The following TNRC18 variants were observed in gnomAD, a reference collection of about 807,000 sequenced individuals.
TNRC18 encodes trinucleotide repeat-containing gene 18 protein.
Under a neutral mutation model 226.7 loss-of-function variants are expected in TNRC18, and 69 were observed. That is an observed-to-expected ratio of 0.30 (90% CI 0.25 to 0.37). The LOEUF (loss-of-function observed/expected upper bound fraction) is 0.37, where lower values mean the gene tolerates loss of function less well. Among genes scored for constraint, TNRC18 ranks in the 10% least tolerant of loss-of-function variants. The pLI is 1.00. For missense variants in TNRC18, 4,754 were observed against 4,256.6 expected (o/e 1.12, Z -3.25); for synonymous variants, 2,449 against 1,927.6 (o/e 1.27, Z -7.09).
intron 19 of TNRC18, among the ~76,000 whole-genome samples, chr7:5,329,087 G>C (rs4724561): frequency 6.6e-6 from 1 of 151,748 alleles, no homozygotes; most frequent in Non-Finnish European, 1.5e-5. Flanking sequence ...CCGATCACCT[G>C]AGGTCAGGAG....
At chr7:5,416,142 C>T (rs977536812) in intron 2 of TNRC18, among the ~76,000 whole-genome samples, 1 of 136,706 alleles carries the variant, frequency 7.3e-6, no homozygotes, top group Admixed American at 7.7e-5. Flanking sequence ...CAGCCAAGCG[C>T]GGTGGCTCAA....
chr7:5,371,146 C>T lies in TNRC18; in HGVS notation c.3448G>A (p.Glu1150Lys). 1 of 1,609,490 alleles carries T rather than the reference C, an allele frequency of 6.2e-7. No individual in the cohort carries two copies. ...ACCTCCCGCTCAGCCAGCGGTTCTT[C>T]CTCCGGGCCCTCCCGCAGCGGCTCT... is the stretch of plus-strand genomic sequence containing the variant. ...ITEPLREGPE[E>K]EPLAEREVKA... Residue 1150 changes from glutamate (E) to lysine (K), a missense_variant, in exon 11 of 30, where the codon GAA (glutamate) becomes AAA (lysine). Coordinates refer to ENST00000430969, the MANE Select transcript of TNRC18 (RefSeq NM_001080495.3).
intron 17 of TNRC18, among the ~76,000 whole-genome samples, chr7:5,346,690 C>A (rs61212333): frequency 6.6e-6 from 1 of 151,970 alleles, no homozygotes; most frequent in African/African-American, 2.4e-5. Context: ...CTCCTAGCAA[C>A]TCCCCCATTC....
intron 4 of TNRC18, 76 bp from the exon 5 acceptor site, chr7:5,389,412 C>G (rs1400672917): frequency 1.3e-5 from 16 of 1,212,580 alleles, no homozygotes; most frequent in African/African-American, 1.6e-5. Context: ...AGGCGGACCC[C>G]TGAGAGGGGG....
At position 5,344,404 on chromosome 7, in the gene TNRC18, C is replaced by T. The variant is rs1466285346; in HGVS notation, c.5719+1158G>A. Among the ~76,000 whole-genome samples the T allele has an allele frequency of 1.3e-5, 2 of 152,224 alleles. 1 individual carries two copies. The highest frequency in any genetic ancestry group is 4.1e-4 in the South Asian group (2 of 4,820). Reference sequence around the variant, plus strand: ...TAAGAATAGGTAGCCTTGTAGGGGGCCCTGGTGCCTCTTTCCAGGACTGCC... The same window carrying T: ...TAAGAATAGGTAGCCTTGTAGGGGGTCCTGGTGCCTCTTTCCAGGACTGCC... On this transcript the variant is annotated intron_variant, in intron 18 of 29. Transcript: ENST00000430969.
intron 11 of TNRC18, among the ~76,000 whole-genome samples, chr7:5,364,469 A>G (rs1394931741): frequency 7.3e-5 from 2 of 27,470 alleles, no homozygotes; most frequent in East Asian, 1.2e-3. Flanking sequence ...GAAAACACAC[A>G]CACACACACA....
chr7:5,394,417 C>G lies in TNRC18; in HGVS notation c.343+23G>C. Reference sequence around the variant, plus strand: ...GGACGTCAGCCCAGCAGCCCTCAGCCCCGACCCCGGCATGTTCCTTACCTT... The same window carrying G: ...GGACGTCAGCCCAGCAGCCCTCAGCGCCGACCCCGGCATGTTCCTTACCTT... On this transcript the variant is annotated intron_variant, in intron 3 of 29. Transcript: ENST00000430969. The surrounding 1 kb of genome is among the most constrained non-coding windows in gnomAD (Gnocchi z 4.5). The G allele has an allele frequency of 6.6e-7, 1 of 1,513,442 alleles. No homozygotes were observed. The highest frequency in any genetic ancestry group is 8.8e-7 in the Non-Finnish European group (1 of 1,131,170). 93.8% of individuals were successfully genotyped at this position (1,513,442 alleles called of 1,614,324 possible). A position where few individuals can be genotyped will look rare whatever the true frequency, so the allele number is the denominator to read the frequency against.
At chr7:5,422,072 T>A (rs1057011599) in intron 1 of TNRC18, among the ~76,000 whole-genome samples, 5 of 152,122 alleles carry the variant, frequency 3.3e-5, no homozygotes, top group Non-Finnish European at 7.4e-5. Flanking sequence ...GCGGGTTTAT[T>A]ATTTTTAAAG....
At position 5,388,969 on chromosome 7, in the gene TNRC18, G is replaced by A. The variant is rs1413156381; in HGVS notation, c.855C>T (p.Asn285=). Residue 285 remains asparagine (N), a synonymous_variant, in exon 5 of 30, where the codon AAC becomes AAT. Coordinates refer to ENST00000430969, the MANE Select transcript of TNRC18 (RefSeq NM_001080495.3). ...ALQPSVLTMC[N]GGAGDVGLPA... is the part of the protein sequence containing the mutation. ...GCAGCCCCACGTCCCCGGCGCCGCC[G>A]TTGCACATGGTCAGTACCGACGGCT... 8.6e-6 allele frequency: 12 copies of A among 1,390,190 alleles called. No homozygotes were observed. Among genetic ancestry groups the A allele is most frequent in the Non-Finnish European group, 1.1e-5 (12 of 1,066,722 alleles). 86.1% of individuals were successfully genotyped at this position (1,390,190 alleles called of 1,614,324 possible). A position where few individuals can be genotyped will look rare whatever the true frequency, so the allele number is the denominator to read the frequency against.
chr7:5,360,000 C>T (rs79443337), intron 14 of TNRC18, among the ~76,000 whole-genome samples: 99 of 151,404 alleles, frequency 6.5e-4, no homozygotes, highest in African/African-American at 8.5e-4. Context: ...AAAAAAAAAA[C>T]GAAGAAGGAG....
chr7:5,343,640 C>T (rs545616071), intron 18 of TNRC18, among the ~76,000 whole-genome samples: 20 of 152,212 alleles, frequency 1.3e-4, no homozygotes, highest in Admixed American at 5.9e-4. Flanking sequence ...TTGCCCAGGC[C>T]GGTCTTGAAC....
intron 17 of TNRC18, among the ~76,000 whole-genome samples, chr7:5,347,641 G>C (rs917672511): frequency 6.6e-6 from 1 of 152,072 alleles, no homozygotes; most frequent in Non-Finnish European, 1.5e-5. Flanking sequence ...GTCCAGCCTG[G>C]GTGACAGAGC....
Position 5,374,275 on chromosome 7 carries a change from G to C in TNRC18, c.3009C>G (p.Ala1003=). 1.3e-6 allele frequency: 2 copies of C among 1,487,920 alleles called. No individual in the cohort carries two copies. Among genetic ancestry groups the C allele is most frequent in the Non-Finnish European group, 1.8e-6 (2 of 1,119,858 alleles). The allele number at this position is 1,487,920 out of a possible 1,614,324, so 92.2% of individuals were successfully genotyped here. A position where few individuals can be genotyped will look rare whatever the true frequency, so the allele number is the denominator to read the frequency against. Reference sequence around the variant, plus strand: ...GCTTCTGGATGACCTTGGCCTTCAGGGCAGCCACAGGGGATGCGCGGGGTG... The same window carrying C: ...GCTTCTGGATGACCTTGGCCTTCAGCGCAGCCACAGGGGATGCGCGGGGTG... The part of the protein sequence containing the change: ...PPSPRASPVA[A]LKAKVIQKLE... Residue 1003 remains alanine, a synonymous_variant, in exon 10 of 30, where the codon GCC becomes GCG. Coordinates refer to ENST00000430969, the MANE Select transcript of TNRC18 (RefSeq NM_001080495.3).
chr7:5,325,706 G>A (rs1788848784), intron 19 of TNRC18: 1 of 146,840 alleles, frequency 6.8e-6, no homozygotes, highest in Non-Finnish European at 1.5e-5. Flanking sequence ...TTACAGGCAT[G>A]AGCAAACGCG....
chr7:5,388,720 G>A lies in TNRC18; in HGVS notation c.1104C>T (p.Arg368=). 1.6e-6 allele frequency: 2 copies of A among 1,264,398 alleles called. No homozygotes were observed. Among genetic ancestry groups the A allele is most frequent in the South Asian group, 2.2e-5 (1 of 46,276 alleles). The allele number at this position is 1,264,398 out of a possible 1,614,324, so 78.3% of individuals were successfully genotyped here. A position where few individuals can be genotyped will look rare whatever the true frequency, so the allele number is the denominator to read the frequency against. ...AAGGCACGAAGGTGGGCGCCACCACGCGGTGCTCACGGCCCTGCTCGCGGA... is the reference window on the plus strand; with the variant it reads ...AAGGCACGAAGGTGGGCGCCACCACACGGTGCTCACGGCCCTGCTCGCGGA... ...TVFREQGREH[R]VVAPTFVPSV... is the part of the protein sequence containing the mutation. The change falls in exon 5 of 30, where the codon CGC becomes CGT. Residue 368 remains arginine, a synonymous_variant. Transcript: ENST00000430969.
At position 5,377,708 on chromosome 7, in the gene TNRC18, G is replaced by A. The variant is rs1779097450; in HGVS notation, c.2256-132C>T. 9.1e-7 allele frequency: 1 copy of A among 1,098,196 alleles called. No homozygotes were observed. The highest frequency in any genetic ancestry group is 1.3e-6 in the Non-Finnish European group (1 of 768,010). The allele number at this position is 1,098,196 out of a possible 1,614,324, so 68.0% of individuals were successfully genotyped here. A position where few individuals can be genotyped will look rare whatever the true frequency, so the allele number is the denominator to read the frequency against. On this transcript the variant is annotated intron_variant, in intron 6 of 29. Transcript: ENST00000430969. This position sits in a 1 kb window ranked among gnomAD's most constrained non-coding sequence, Gnocchi z 5.8. Reference sequence around the variant, plus strand: ...GACAACCACTGCTCGGAACTGAAGGGCCTCCCGGGGCCTTCCACACTCACT... The same window carrying A: ...GACAACCACTGCTCGGAACTGAAGGACCTCCCGGGGCCTTCCACACTCACT...
At position 5,353,071 on chromosome 7, in the gene TNRC18, G is replaced by A. The variant is rs569669560; in HGVS notation, c.5195-977C>T. Among the ~76,000 whole-genome samples, 36 of 152,254 alleles carry A rather than the reference G, an allele frequency of 2.4e-4. 2 individuals are homozygous for A. The South Asian group carries it at 6.4e-3, about 27-fold the overall frequency. On this transcript the variant is annotated intron_variant, in intron 16 of 29. Transcript: ENST00000430969. ...TCCAGCAAGACCCCAACCTCAGGAT[G>A]GTCCGGCAACTCTTGGGTGGGACAA...
At chr7:5,386,141 A>C (rs111853684) in intron 5 of TNRC18, among the ~76,000 whole-genome samples, 4 of 151,632 alleles carry the variant, frequency 2.6e-5, no homozygotes, top group Non-Finnish European at 4.4e-5. Context: ...TACAAAAGTT[A>C]GCCAGGCGTG....
intron 18 of TNRC18, among the ~76,000 whole-genome samples, chr7:5,337,400 C>G (rs1790227122): frequency 6.6e-6 from 1 of 151,874 alleles, no homozygotes; most frequent in Non-Finnish European, 1.5e-5. Context: ...AGCAGAATCA[C>G]TTGAACCCAG....
Sources: allele counts gnomAD v4.1 joint callset (sites outside exome capture counted in the v4.1 genomes callset), GRCh38; gene constraint gnomAD v4.1.1; non-coding constraint Gnocchi (gnomAD v3.1); transcripts MANE v1.5; gene names NCBI Gene and HGNC (gene_info 2026-07-23, HGNC 2026-07-21).